The following FBXW2 variants were observed in gnomAD, a reference collection of about 807,000 sequenced individuals.
FBXW2 encodes F-box and WD repeat domain containing 2, also known as F-box/WD repeat-containing protein 2.
A neutral mutation model predicts 46.0 loss-of-function variants in FBXW2; 12 were observed. That is an observed-to-expected ratio of 0.26 (90% confidence interval 0.17 to 0.42). The LOEUF is 0.42. Ranked by LOEUF, FBXW2 falls within the 10% of genes least tolerant of loss-of-function variation. The probability of loss-of-function intolerance (pLI) is 1.00; values close to 1 mark genes in which losing one functional copy is unlikely to be tolerated. For synonymous variants in FBXW2, 203 were observed against 209.6 expected (o/e 0.97, Z 0.27); for missense variants, 360 against 537.0 (o/e 0.67, Z 3.26).
intron 3 of FBXW2, among the ~76,000 whole-genome samples, chr9:120,783,041 A>C (rs1407800632): frequency 1.3e-5 from 2 of 152,170 alleles, no homozygotes; most frequent in Non-Finnish European, 2.9e-5. Context: ...AATGGCACTC[A>C]ACTGTATGCT....
chr9:120,768,647 C>T (rs2044317358), intron 7 of FBXW2, among the ~76,000 whole-genome samples: 1 of 151,982 alleles, frequency 6.6e-6, no homozygotes, highest in African/African-American at 2.4e-5. Context: ...AGGATGAAAC[C>T]CCATCGCTAC....
chr9:120,778,596 G>A lies in FBXW2; in HGVS notation c.491-51C>T, dbSNP rs752414673. 1.4e-5 allele frequency: 21 copies of A among 1,494,674 alleles called. No homozygotes were observed. The South Asian group carries it at 2.5e-4, about 18-fold the overall frequency. 92.6% of individuals were successfully genotyped at this position (1,494,674 alleles called of 1,614,324 possible). On this transcript the variant is annotated intron_variant, in intron 3 of 7. Coordinates refer to ENST00000608872, the MANE Select transcript of FBXW2 (RefSeq NM_012164.4). ...ATAAGAAAACAAACACACTAAAGAA[G>A]GAAAATCAATCCCAAAATCATGGTG...
At position 120,773,188 on chromosome 9, in the gene FBXW2, T is replaced by TA. The variant is rs34998032; in HGVS notation, c.820-349dup. ...GGCAACAGAGCAAGACCACAACGCT[T>TA]AAAAAAAAAAAAAAACAGTCTAAAC... is the stretch of plus-strand genomic sequence containing the variant. On this transcript the variant is annotated intron_variant, in intron 5 of 7. Coordinates refer to ENST00000608872, the MANE Select transcript of FBXW2 (RefSeq NM_012164.4). Among the ~76,000 whole-genome samples the TA allele has an allele frequency of 6.1e-3, 836 of 137,274 alleles. 4 individuals are homozygous for TA. Among genetic ancestry groups the TA allele is most frequent in the African/African-American group, 0.014 (509 of 37,456 alleles). 90.1% of individuals were successfully genotyped at this position (137,274 alleles called of 152,430 possible). A position where few individuals can be genotyped will look rare whatever the true frequency, so the allele number is the denominator to read the frequency against.
intron 3 of FBXW2, among the ~76,000 whole-genome samples, chr9:120,783,247 T>A (rs371309302): frequency 1.3e-3 from 194 of 152,276 alleles, no homozygotes; most frequent in African/African-American, 3.9e-3. Context: ...CTCCTGAGAA[T>A]CCTTTAGGAA....
rs2044244421 is a variant in FBXW2 at position 120,764,745 on chromosome 9, C to T, written c.1179G>A (p.Arg393=). ...GCCAGCGACTAATCAGGCTCTCTGT[C>T]CGCAAGTCCATGATGTACAGGTAGC... ...DNRYLYIMDL[R]TESLISRWPL... Residue 393 remains arginine, a synonymous_variant, in exon 8 of 8, where the codon CGG becomes CGA. Transcript: ENST00000608872. 6.2e-7 allele frequency: 1 copy of T among 1,614,172 alleles called. No individual in the cohort carries two copies. The highest frequency in any genetic ancestry group is 8.5e-7 in the Non-Finnish European group (1 of 1,180,020).
At chr9:120,781,353 G>C (rs373924693) in intron 3 of FBXW2, among the ~76,000 whole-genome samples, 3 of 152,118 alleles carry the variant, frequency 2.0e-5, no homozygotes, top group Non-Finnish European at 2.9e-5. Flanking sequence ...TCAAAAAACC[G>C]TCTAGGAGTT....
rs2044211017 is a variant in FBXW2 at position 120,762,445 on chromosome 9, T to C, written c.*2114A>G. On this transcript the variant is annotated 3_prime_UTR_variant, in exon 8 of 8. Coordinates refer to ENST00000608872, the MANE Select transcript of FBXW2 (RefSeq NM_012164.4). ...AGATTCAGTTGTGATTCCGGTTCTA[T>C]TTCTAGAGTACTAAGCAGAGCTGAT... is the stretch of plus-strand genomic sequence containing the variant. 6.6e-6 allele frequency: 1 copy of C among 152,228 alleles called. No homozygotes were observed. Among genetic ancestry groups the C allele is most frequent in the Non-Finnish European group, 1.5e-5 (1 of 68,040 alleles). 9.4% of individuals were successfully genotyped at this position (152,228 alleles called of 1,614,324 possible).
In FBXW2 at chr9:120,764,635, T is replaced by C. The variant is rs2044242366; in HGVS notation, c.1289A>G (p.Asn430Ser). ...GGTGGCAAAGACCAAGCCCGTGTCA[T>C]TGTGCCCATCCAGTCCATTCAGCCA... is the stretch of plus-strand genomic sequence containing the variant. Reference protein sequence around the residue: ...ASWLNGLDGHNDTGLVFATSM... With the variant: ...ASWLNGLDGHSDTGLVFATSM... The change falls in exon 8 of 8, where the codon AAT becomes AGT. Residue 430 changes from asparagine to serine, a missense_variant. Coordinates refer to ENST00000608872, the MANE Select transcript of FBXW2 (RefSeq NM_012164.4). 3 of 1,614,086 alleles carry C rather than the reference T, an allele frequency of 1.9e-6. No individual in the cohort carries two copies. The highest frequency in any genetic ancestry group is 2.5e-6 in the Non-Finnish European group (3 of 1,180,042).
chr9:120,782,649 C>T (rs998302735), intron 3 of FBXW2, among the ~76,000 whole-genome samples: 7 of 151,972 alleles, frequency 4.6e-5, no homozygotes, highest in Non-Finnish European at 1.0e-4. Flanking sequence ...AGAGATCATC[C>T]TGGGAAACAT....
Position 120,771,400 on chromosome 9 carries a change from T to C in FBXW2, c.1024A>G (p.Ser342Gly). The C allele has an allele frequency of 1.2e-6, 2 of 1,614,184 alleles. No individual in the cohort carries two copies. The highest frequency in any genetic ancestry group is 1.7e-6 in the Non-Finnish European group (2 of 1,180,024). ...LHFDGKYIVC[S>G]SALGLYQWDF... ...CACTGGTAGAGACCAAGTGCTGAAC[T>C]ACAGACAATGTATTTGCCATCAAAA... Residue 342 changes from serine (S) to glycine (G), a missense_variant, in exon 7 of 8, where the codon AGT (serine) becomes GGT (glycine). Coordinates refer to ENST00000608872, the MANE Select transcript of FBXW2 (RefSeq NM_012164.4).
chr9:120,770,913 GTCTT>G (rs1303955293), intron 7 of FBXW2, among the ~76,000 whole-genome samples: 8 of 152,116 alleles, frequency 5.3e-5, no homozygotes, highest in Admixed American at 5.2e-4. Flanking sequence ...CTAAGTCTCT[GTCTT>G]TCTACTAGTC....
At chr9:120,780,937 G>A (rs149057955) in intron 3 of FBXW2, among the ~76,000 whole-genome samples, 18 of 151,948 alleles carry the variant, frequency 1.2e-4, no homozygotes, top group African/African-American at 3.9e-4. Context: ...TCTATAACAC[G>A]TGCCTTAGGA....
chr9:120,777,367 C>T (rs186877103), intron 4 of FBXW2, among the ~76,000 whole-genome samples: 236 of 152,318 alleles, frequency 1.5e-3, no homozygotes, highest in Non-Finnish European at 3.0e-3. Flanking sequence ...AGCCTAACGG[C>T]TAGTTTTACT....
intron 3 of FBXW2, among the ~76,000 whole-genome samples, chr9:120,781,942 G>C (rs1204294701): frequency 1.3e-5 from 2 of 150,718 alleles, no homozygotes; most frequent in Non-Finnish European, 2.9e-5. Flanking sequence ...AGAATTGCTT[G>C]AACCCGGGAG....
In FBXW2 at chr9:120,770,935, G is replaced by A. The variant is rs572079865; in HGVS notation, c.1076+413C>T. Among the ~76,000 whole-genome samples, 3 of 152,256 alleles carry A rather than the reference G, an allele frequency of 2.0e-5. No homozygotes were observed. The South Asian group carries it at 6.2e-4, about 32-fold the overall frequency. On this transcript the variant is annotated intron_variant, in intron 7 of 7. Coordinates refer to ENST00000608872, the MANE Select transcript of FBXW2 (RefSeq NM_012164.4). ...TCTGTCTTTCTACTAGTCAACAGAA[G>A]GTCACTTGATCCCTAGATACCACTA...
At chr9:120,777,131 A>G (rs2131327370) in intron 4 of FBXW2, among the ~76,000 whole-genome samples, 1 of 152,356 alleles carries the variant, frequency 6.6e-6, no homozygotes, top group South Asian at 2.1e-4. Context: ...GGCAACAGTA[A>G]TAAAAATTTT....
At chr9:120,785,174 GTTTT>G (rs1421268367) in intron 3 of FBXW2, among the ~76,000 whole-genome samples, 1 of 151,462 alleles carries the variant, frequency 6.6e-6, no homozygotes, top group Non-Finnish European at 1.5e-5. Context: ...ACACCCAGCT[GTTTT>G]TTTATTTTTT....
chr9:120,769,211 G>C (rs1361580567), intron 7 of FBXW2, among the ~76,000 whole-genome samples: 1 of 152,142 alleles, frequency 6.6e-6, no homozygotes, highest in Non-Finnish European at 1.5e-5. Flanking sequence ...AAGCTAAGTA[G>C]CCCTACCTGG....
chr9:120,772,651 C>CCT (rs2044404569), intron 6 of FBXW2, 103 bp downstream of exon 6: 1 of 695,874 alleles, frequency 1.4e-6, no homozygotes, highest in African/African-American at 1.9e-5. Context: ...AAGACACTCC[C>CCT]CCTCCTCTTC....
Sources: allele counts gnomAD v4.1 joint callset (sites outside exome capture counted in the v4.1 genomes callset), GRCh38; gene constraint gnomAD v4.1.1; transcripts MANE v1.5; gene names NCBI Gene and HGNC (gene_info 2026-07-23, HGNC 2026-07-21).